Variants in MGAT4C observed in about 807,000 individuals in gnomAD.
The protein encoded by MGAT4C is MGAT4 family member C.
MGAT4C carries 19 observed loss-of-function variants against 40.1 expected under a neutral mutation model. The ratio of observed to expected loss-of-function variants is 0.47; its 90% CI spans 0.33 to 0.70. MGAT4C has a LOEUF of 0.70. Among genes scored for constraint, MGAT4C ranks in the 30% least tolerant of loss-of-function variants. MGAT4C has a pLI of 0.02. For missense variants in MGAT4C, 491 were observed against 563.2 expected, an observed-to-expected ratio of 0.87 and a Z score of 1.30; for synonymous variants, 181 against 187.1, an observed-to-expected ratio of 0.97 and a Z score of 0.27.
chr12:86,493,862 A>T (rs1958184923), intron 2 of MGAT4C, among the ~76,000 whole-genome samples: 1 of 152,042 alleles, frequency 6.6e-6, no homozygotes, highest in South Asian at 2.1e-4. Context: ...GTGCTTATAG[A>T]AAACCGTATG....
intron 1 of MGAT4C, among the ~76,000 whole-genome samples, chr12:86,247,774 A>G (rs1952095084): frequency 6.6e-6 from 1 of 152,198 alleles, no homozygotes; most frequent in Non-Finnish European, 1.5e-5. Flanking sequence ...TGGAACACAC[A>G]GACCATCATG....
At chr12:86,796,970 G>T (rs1411628107) in intron 1 of MGAT4C, among the ~76,000 whole-genome samples, 1 of 151,768 alleles carries the variant, frequency 6.6e-6, no homozygotes, top group Non-Finnish European at 1.5e-5. Context: ...AAATGAAAAG[G>T]TTCTCTGCCT....
At chr12:86,576,421 TC>T (rs964702238) in intron 2 of MGAT4C, among the ~76,000 whole-genome samples, 1 of 151,910 alleles carries the variant, frequency 6.6e-6, no homozygotes, top group Admixed American at 6.6e-5. Context: ...TCCTGAGACT[TC>T]CCCCAGTGTT....
chr12:86,742,467 T>C (rs1593166880), intron 1 of MGAT4C, among the ~76,000 whole-genome samples: 1 of 151,632 alleles, frequency 6.6e-6, no homozygotes, highest in African/African-American at 2.4e-5. Flanking sequence ...TAAAAGATGT[T>C]GCATTTATGT....
At chr12:86,738,341 A>T (rs1217517161) in intron 1 of MGAT4C, among the ~76,000 whole-genome samples, 1 of 151,418 alleles carries the variant, frequency 6.6e-6, no homozygotes, top group Non-Finnish European at 1.5e-5. Flanking sequence ...TTTAATTCTT[A>T]GACTTAACAT....
intron 1 of MGAT4C, among the ~76,000 whole-genome samples, chr12:86,199,588 T>C (rs1017450352): frequency 6.6e-5 from 10 of 152,152 alleles, no homozygotes; most frequent in African/African-American, 2.4e-4. Context: ...AGATATAGTG[T>C]AAATTAACAA....
chr12:86,373,131 T>C (rs1252520332), intron 3 of MGAT4C, among the ~76,000 whole-genome samples: 5 of 151,886 alleles, frequency 3.3e-5, no homozygotes, highest in Admixed American at 3.3e-4. Flanking sequence ...CTTACTATAC[T>C]CTCACAAGTG....
intron 2 of MGAT4C, among the ~76,000 whole-genome samples, chr12:86,511,741 G>C (rs1477398530): frequency 2.0e-5 from 3 of 152,168 alleles, no homozygotes; most frequent in Middle Eastern, 6.8e-3. Flanking sequence ...GCACACACAA[G>C]TCAATGCAAG....
intron 2 of MGAT4C, among the ~76,000 whole-genome samples, chr12:86,691,912 T>C (rs1026842073): frequency 6.6e-6 from 1 of 152,122 alleles, no homozygotes. Flanking sequence ...CAATTGATAG[T>C]TCTACTTCTG....
chr12:86,811,378 T>G (rs1421698143), intron 1 of MGAT4C, among the ~76,000 whole-genome samples: 1 of 147,382 alleles, frequency 6.8e-6, no homozygotes, highest in Non-Finnish European at 1.5e-5. Flanking sequence ...AGTCTCACTC[T>G]GTCACCCAGG....
At chr12:86,436,853 T>C (rs377253642) in intron 2 of MGAT4C, among the ~76,000 whole-genome samples, 1 of 151,744 alleles carries the variant, frequency 6.6e-6, no homozygotes, top group African/African-American at 2.4e-5. Flanking sequence ...TATTTGCAAA[T>C]ACAGTTCAAA....
chr12:86,414,228 C>A (rs149323851), intron 3 of MGAT4C, among the ~76,000 whole-genome samples: 4 of 151,632 alleles, frequency 2.6e-5, no homozygotes, highest in African/African-American at 7.2e-5. Context: ...GGAAATTAAA[C>A]CTGAAGAAAA....
intron 1 of MGAT4C, among the ~76,000 whole-genome samples, chr12:86,178,415 C>T (rs1306506614): frequency 6.6e-6 from 1 of 152,166 alleles, no homozygotes; most frequent in African/African-American, 2.4e-5. Flanking sequence ...CATGGATGTT[C>T]ACATTTATGC....
At chr12:86,024,435 A>G (rs1565875242) in intron 2 of MGAT4C, among the ~76,000 whole-genome samples, 1 of 151,836 alleles carries the variant, frequency 6.6e-6, no homozygotes, top group South Asian at 2.1e-4. Context: ...TTCTAAAGTT[A>G]AAAATTGTCT....
intron 1 of MGAT4C, among the ~76,000 whole-genome samples, chr12:86,217,373 AC>A (rs1180680074): frequency 6.6e-6 from 1 of 152,074 alleles, no homozygotes. Context: ...ACGTGGTTTC[AC>A]CATGTTGGCC....
At chr12:86,359,072 T>C (rs1955390100) in intron 3 of MGAT4C, among the ~76,000 whole-genome samples, 1 of 152,148 alleles carries the variant, frequency 6.6e-6, no homozygotes, top group African/African-American at 2.4e-5. Context: ...ACCACATAGT[T>C]GGAAGGAAAA....
At chr12:86,160,164 A>G (rs1282184513) in intron 1 of MGAT4C, among the ~76,000 whole-genome samples, 1 of 151,994 alleles carries the variant, frequency 6.6e-6, no homozygotes, top group Non-Finnish European at 1.5e-5. Context: ...GTCTTGACAA[A>G]GGCAGTTAGG....
At chr12:86,040,718 AAAAC>A (rs565158910) in intron 2 of MGAT4C, among the ~76,000 whole-genome samples, 2 of 138,134 alleles carry the variant, frequency 1.4e-5, no homozygotes. Context: ...GTATGGAGAA[AAAAC>A]AAACAAACAA....
At chr12:86,065,509 C>A (rs1318861654) in intron 1 of MGAT4C, among the ~76,000 whole-genome samples, 2 of 152,082 alleles carry the variant, frequency 1.3e-5, no homozygotes, top group Non-Finnish European at 2.9e-5. Flanking sequence ...ACATTCAACA[C>A]CCCTTCATGC....
Sources: gnomAD v4.1 joint callset for allele counts (sites outside exome capture counted in the v4.1 genomes callset) on GRCh38, gnomAD v4.1.1 for gene constraint, MANE v1.5 for transcripts, NCBI Gene and HGNC (gene_info 2026-07-23, HGNC 2026-07-21) for gene names.